The following RAD9B variants were observed in gnomAD, a reference collection of about 807,000 sequenced individuals.
RAD9B encodes the protein cell cycle checkpoint control protein RAD9B.
In RAD9B, 41 loss-of-function variants were observed where a neutral mutation model predicts 48.3. That is an observed-to-expected ratio of 0.85 (90% CI 0.66 to 1.10). The LOEUF (loss-of-function observed/expected upper bound fraction) is 1.10, where lower values mean the gene tolerates loss of function less well. Ranked by LOEUF, RAD9B falls within the 50% of genes least tolerant of loss-of-function variation. RAD9B has a pLI of 0.00. For synonymous variants in RAD9B, 160 were observed against 157.9 expected, an observed-to-expected ratio of 1.01 and a Z score of -0.10; for missense variants, 444 against 485.1, an observed-to-expected ratio of 0.92 and a Z score of 0.80.
rs571541046 is a variant in RAD9B, at chr12:110,518,848, G to T, written c.703-26G>T. ...CTGTAAGTTTTTATAAGGATTTTAAGTTTTTTTCTTCTTTTCTTTTTTCAG... is the reference window on the plus strand; with the variant it reads ...CTGTAAGTTTTTATAAGGATTTTAATTTTTTTTCTTCTTTTCTTTTTTCAG... On this transcript the variant is annotated intron_variant, in intron 7 of 10. Coordinates refer to ENST00000409300, the MANE Select transcript of RAD9B (RefSeq NM_001286535.2). 4 of 1,580,536 alleles carry T rather than the reference G, an allele frequency of 2.5e-6. No homozygotes were observed. In the East Asian group the frequency reaches 6.8e-5, roughly 27 times the overall value.
At chr12:110,506,439 C>G in intron 3 of RAD9B, 140 bp from the exon 4 acceptor site, 1 of 507,744 alleles carries the variant, frequency 2.0e-6, no homozygotes, top group Non-Finnish European at 3.6e-6. Flanking sequence ...CCGCCCGCCT[C>G]GGCCTCCCAA....
At chr12:110,509,017 T>C (rs1422560054) in intron 4 of RAD9B, among the ~76,000 whole-genome samples, 2 of 152,064 alleles carry the variant, frequency 1.3e-5, no homozygotes, top group Non-Finnish European at 2.9e-5. Context: ...CAGGCTGGAG[T>C]GCAGTGGTGC....
chr12:110,519,213 AC>A (rs1310573205), intron 8 of RAD9B, among the ~76,000 whole-genome samples: 1 of 149,290 alleles, frequency 6.7e-6, no homozygotes, highest in East Asian at 2.0e-4. Context: ...AAGCAATTCT[AC>A]TGCCTCAGCC....
At chr12:110,522,979 A>C (rs557599672) in intron 10 of RAD9B, among the ~76,000 whole-genome samples, 1 of 152,364 alleles carries the variant, frequency 6.6e-6, no homozygotes, top group African/African-American at 2.4e-5. Flanking sequence ...GAAGGTAAGC[A>C]ATGTATTAGA....
intron 9 of RAD9B, 25 bp downstream of exon 9, chr12:110,519,941 A>C (rs747985845): frequency 1.9e-6 from 3 of 1,604,884 alleles, no homozygotes; most frequent in South Asian, 1.1e-5. Context: ...TAACTTCTTT[A>C]TTACTTGGGA....
At position 110,522,954 on chromosome 12, in the gene RAD9B, G is replaced by A. The variant is rs768986262; in HGVS notation, c.1125+543G>A. On this transcript the variant is annotated intron_variant, in intron 10 of 10. Transcript: ENST00000409300. ...AGAATGCTGTAGTGTTAAACCTTACGAAATCTACTGAACTGAAGGTAAGCA... is the reference window on the plus strand; with the variant it reads ...AGAATGCTGTAGTGTTAAACCTTACAAAATCTACTGAACTGAAGGTAAGCA... 7.0e-4 allele frequency among the ~76,000 whole-genome samples: 107 copies of A among 152,044 alleles called. 1 individual carries two copies. The highest frequency in any genetic ancestry group is 3.9e-4 in the Admixed American group (6 of 15,242).
intron 1 of RAD9B, chr12:110,502,632 A>G (rs1460074135): frequency 1.3e-5 from 7 of 521,120 alleles, no homozygotes; most frequent in Non-Finnish European, 2.4e-5. Context: ...CCATCGGGCC[A>G]CAAACTCGGG....
intron 9 of RAD9B, 30 bp downstream of exon 9, chr12:110,519,946 T>C: frequency 6.2e-7 from 1 of 1,601,786 alleles, no homozygotes; most frequent in Non-Finnish European, 8.5e-7. Context: ...TCTTTATTAC[T>C]TGGGACAAGC....
chr12:110,519,903 C>T lies in RAD9B; in HGVS notation c.877C>T (p.Gln293Ter), dbSNP rs2063723233. The change falls in exon 9 of 11, where the codon CAG becomes TAG. Residue 293 changes from glutamine (Q) to a stop codon, truncating the protein, a stop_gained. Coordinates refer to ENST00000409300, the MANE Select transcript of RAD9B (RefSeq NM_001286535.2). LOFTEE classifies it high-confidence loss of function. ...TTCACCACAGTCACTGTGTCTTTCA[C>T]AGAAACGAAAAAGGTAAGACTGTGT... is the stretch of plus-strand genomic sequence containing the variant. ...ASSPQSLCLS[Q>*]KRKRSDLIEK... 1.2e-6 allele frequency: 2 copies of T among 1,609,426 alleles called. No individual in the cohort carries two copies. The highest frequency in any genetic ancestry group is 1.7e-5 in the Admixed American group (1 of 58,748).
At chr12:110,508,856 G>A (rs1420085392) in intron 4 of RAD9B, among the ~76,000 whole-genome samples, 2 of 152,110 alleles carry the variant, frequency 1.3e-5, no homozygotes, top group African/African-American at 2.4e-5. Context: ...GTGCAGTGGC[G>A]TGATCTTGGC....
Position 110,515,068 on chromosome 12 carries a change from T to A in RAD9B, c.507T>A (p.Ile169=). 6.4e-7 allele frequency: 1 copy of A among 1,553,234 alleles called. No homozygotes were observed. ...TTTATAGATTGCTTGCTGATGCCAT[T>A]GTTCTTTTTACATCAAGTCAAGAGG... The part of the protein sequence containing the change: ...MIQPRLLADA[I]VLFTSSQEEV... The change falls in exon 6 of 11, where the codon ATT becomes ATA. Residue 169 remains isoleucine (I), a synonymous_variant. Coordinates refer to ENST00000409300, the MANE Select transcript of RAD9B (RefSeq NM_001286535.2).
In RAD9B at chr12:110,531,234, T is replaced by A; in HGVS notation, c.*581T>A. The A allele has an allele frequency of 1.2e-6, 1 of 819,900 alleles. No homozygotes were observed. The allele number at this position is 819,900 out of a possible 1,614,324, so 50.8% of individuals were successfully genotyped here. A position where few individuals can be genotyped will look rare whatever the true frequency, so the allele number is the denominator to read the frequency against. ...TTTAGACGGAGTCTCACTTTGTCAC[T>A]CAGGCTCAAGTGCAGTGGTGCAATC... is the stretch of plus-strand genomic sequence containing the variant. On this transcript the variant is annotated 3_prime_UTR_variant, in exon 11 of 11. Coordinates refer to ENST00000409300, the MANE Select transcript of RAD9B (RefSeq NM_001286535.2).
chr12:110,519,626 G>A lies in RAD9B; in HGVS notation c.768-168G>A, dbSNP rs141184382. Among the ~76,000 whole-genome samples the A allele has an allele frequency of 2.4e-3, 361 of 152,104 alleles. 1 individual carries two copies. Among genetic ancestry groups the A allele is most frequent in the African/African-American group, 8.2e-3 (341 of 41,470 alleles). ...TTTTTTTGTATTTTTAGTAGAGACG[G>A]GGTTTCTTCATGTTGGTCAGGCTGG... On this transcript the variant is annotated intron_variant, in intron 8 of 10. Coordinates refer to ENST00000409300, the MANE Select transcript of RAD9B (RefSeq NM_001286535.2).
intron 3 of RAD9B, among the ~76,000 whole-genome samples, chr12:110,506,196 AT>A (rs562343192): frequency 2.4e-5 from 3 of 125,966 alleles, no homozygotes; most frequent in Non-Finnish European, 3.4e-5. Flanking sequence ...AAGTCTGTTC[AT>A]TTTTTTTTTG....
At chr12:110,508,136 C>T (rs990035287) in intron 4 of RAD9B, 1 of 169,178 alleles carries the variant, frequency 5.9e-6, no homozygotes, top group African/African-American at 2.4e-5. Flanking sequence ...GCCTTGACAT[C>T]ACAAAGATGT....
At chr12:110,526,525 C>T (rs909022364) in intron 10 of RAD9B, among the ~76,000 whole-genome samples, 5 of 152,202 alleles carry the variant, frequency 3.3e-5, no homozygotes, top group Admixed American at 6.5e-5. Flanking sequence ...ATGATATACA[C>T]TGAACAGACA....
In RAD9B at chr12:110,533,284, T is replaced by C. The variant is rs963222892; in HGVS notation, c.*2631T>C. The C allele has an allele frequency of 9.2e-5, 14 of 152,212 alleles. No individual in the cohort carries two copies. The highest frequency in any genetic ancestry group is 1.8e-4 in the Non-Finnish European group (12 of 68,042). The allele number at this position is 152,212 out of a possible 1,614,324, so 9.4% of individuals were successfully genotyped here. A position where few individuals can be genotyped will look rare whatever the true frequency, so the allele number is the denominator to read the frequency against. ...ATATTTATTAAATATCTTTACAGTT[T>C]ATTTAAATGTATTTACAGAACTATT... On this transcript the variant is annotated 3_prime_UTR_variant, in exon 11 of 11. Transcript: ENST00000409300.
intron 4 of RAD9B, among the ~76,000 whole-genome samples, chr12:110,508,534 AG>A (rs981193294): frequency 2.6e-5 from 4 of 152,252 alleles, no homozygotes; most frequent in African/African-American, 9.6e-5. Context: ...AAATAAAAAC[AG>A]ACGGTCCAAC....
chr12:110,520,268 C>T (rs575679054), intron 9 of RAD9B, among the ~76,000 whole-genome samples: 42 of 152,268 alleles, frequency 2.8e-4, no homozygotes, highest in African/African-American at 7.9e-4. Context: ...AGTGCTCTGG[C>T]GCAATCTCAA....
Sources: allele counts gnomAD v4.1 joint callset (sites outside exome capture counted in the v4.1 genomes callset), GRCh38; gene constraint gnomAD v4.1.1; transcripts MANE v1.5; gene names NCBI Gene and HGNC (gene_info 2026-07-23, HGNC 2026-07-21).